Variants in AHI1 observed in about 807,000 individuals in gnomAD.
AHI1 encodes the protein Abelson helper integration site 1, also known as jouberin.
A neutral mutation model predicts 149.3 loss-of-function variants in AHI1; 123 were observed. The observed-to-expected ratio is 0.82, with a 90% CI of 0.71 to 0.96. The LOEUF (loss-of-function observed/expected upper bound fraction) is 0.96. AHI1 is among the 40% of genes least tolerant of loss of function. The probability of loss-of-function intolerance (pLI) is 0.00; values close to 1 mark genes in which losing one functional copy is unlikely to be tolerated. For synonymous variants in AHI1, 475 were observed against 459.8 expected, an observed-to-expected ratio of 1.03 and a Z score of -0.42; for missense variants, 1,439 against 1,422.7, an observed-to-expected ratio of 1.01 and a Z score of -0.18.
intron 23 of AHI1, among the ~76,000 whole-genome samples, chr6:135,375,998 G>T (rs541689298): frequency 2.7e-5 from 4 of 149,776 alleles, no homozygotes; most frequent in Middle Eastern, 7.0e-3. Context: ...CCAAATTGGG[G>T]ACAATTTGAG....
chr6:135,374,666 G>A (rs1468584060), intron 23 of AHI1, among the ~76,000 whole-genome samples: 1 of 151,930 alleles, frequency 6.6e-6, no homozygotes, highest in Non-Finnish European at 1.5e-5. Flanking sequence ...CAATGAAAGA[G>A]AATATTTCAC....
At chr6:135,346,862 C>T (rs1177359281) in intron 24 of AHI1, among the ~76,000 whole-genome samples, 4 of 152,162 alleles carry the variant, frequency 2.6e-5, no homozygotes, top group Non-Finnish European at 5.9e-5. Flanking sequence ...TCTGCCAGTG[C>T]ACTTCAAAAA....
chr6:135,322,334 G>A lies in AHI1; in HGVS notation c.3328+828C>T, dbSNP rs147964521. ...TGCATTCTTCTCAAGAAGCACTACT[G>A]TACTTCTCCCCTTTAATGACAGTTT... On this transcript the variant is annotated intron_variant, in intron 25 of 28. Coordinates refer to ENST00000265602, the MANE Select transcript of AHI1 (RefSeq NM_001134831.2). Among the ~76,000 whole-genome samples, 69 of 152,278 alleles carry A rather than the reference G, an allele frequency of 4.5e-4. 1 individual carries two copies. Among genetic ancestry groups the A allele is most frequent in the African/African-American group, 1.5e-3 (63 of 41,552 alleles).
chr6:135,328,461 C>A (rs1030219295), intron 24 of AHI1, among the ~76,000 whole-genome samples: 1 of 151,952 alleles, frequency 6.6e-6, no homozygotes, highest in Non-Finnish European at 1.5e-5. Flanking sequence ...ATCTTTGATG[C>A]TACCAATGTA....
intron 26 of AHI1, 157 bp from the exon 27 acceptor site, chr6:135,300,715 T>C: frequency 7.5e-7 from 1 of 1,329,384 alleles, no homozygotes; most frequent in Non-Finnish European, 9.6e-7. Context: ...ATATATTGTC[T>C]ATCAGGACAA....
At chr6:135,440,603 T>C (rs1354215787) in intron 14 of AHI1, among the ~76,000 whole-genome samples, 1 of 152,048 alleles carries the variant, frequency 6.6e-6, no homozygotes, top group Non-Finnish European at 1.5e-5. Context: ...GAGCTGTAGA[T>C]TGTGTACCGA....
At position 135,463,820 on chromosome 6, in the gene AHI1, T is replaced by C. The variant is rs571163796; in HGVS notation, c.750-514A>G. On this transcript the variant is annotated intron_variant, in intron 7 of 28. Coordinates refer to ENST00000265602, the MANE Select transcript of AHI1 (RefSeq NM_001134831.2). Reference sequence around the variant, plus strand: ...AAGTTGGAGTGCAGTGGTACAATCATAGCTCACTGCTGCCTCAACCTCCCA... The same window carrying C: ...AAGTTGGAGTGCAGTGGTACAATCACAGCTCACTGCTGCCTCAACCTCCCA... 1.7e-3 allele frequency among the ~76,000 whole-genome samples: 261 copies of C among 152,228 alleles called. 3 individuals are homozygous for C. The highest frequency in any genetic ancestry group is 5.8e-3 in the African/African-American group (242 of 41,548).
At chr6:135,426,073 AAG>A (rs1783872542) in intron 20 of AHI1, among the ~76,000 whole-genome samples, 1 of 151,760 alleles carries the variant, frequency 6.6e-6, no homozygotes, top group Non-Finnish European at 1.5e-5. Context: ...AGTGGGTACA[AAG>A]AGAGAACTGT....
chr6:135,362,143 T>C lies in AHI1; in HGVS notation c.3110-3956A>G, dbSNP rs573667481. On this transcript the variant is annotated intron_variant, in intron 23 of 28. Coordinates refer to ENST00000265602, the MANE Select transcript of AHI1 (RefSeq NM_001134831.2). Reference sequence around the variant, plus strand: ...GTGTGAGTGTGTGTATATATATATATGTATAAAGAAAATGTGGTGTATATA... The same window carrying C: ...GTGTGAGTGTGTGTATATATATATACGTATAAAGAAAATGTGGTGTATATA... Among the ~76,000 whole-genome samples, 90 of 151,592 alleles carry C rather than the reference T, an allele frequency of 5.9e-4. 1 individual carries two copies. The highest frequency in any genetic ancestry group is 2.1e-3 in the African/African-American group (84 of 40,926).
chr6:135,428,774 G>A lies in AHI1; in HGVS notation c.2493-15C>T. On this transcript the variant is annotated splice_polypyrimidine_tract_variant and intron_variant, in intron 18 of 28. Transcript: ENST00000265602. Reference sequence around the variant, plus strand: ...TTGCTACTAATCTACAAGCAAAAAAGATTTTACAAATGTAACTGTCTTAAT... The same window carrying A: ...TTGCTACTAATCTACAAGCAAAAAAAATTTTACAAATGTAACTGTCTTAAT... 6.3e-7 allele frequency: 1 copy of A among 1,587,528 alleles called. No homozygotes were observed.
intron 23 of AHI1, among the ~76,000 whole-genome samples, chr6:135,391,479 G>A (rs1173134079): frequency 1.3e-5 from 2 of 152,168 alleles, no homozygotes; most frequent in South Asian, 4.1e-4. Context: ...AGGAGGCGGA[G>A]TTCATACAGT....
At chr6:135,361,644 T>TAC (rs1793877165) in intron 23 of AHI1, among the ~76,000 whole-genome samples, 1 of 91,840 alleles carries the variant, frequency 1.1e-5, no homozygotes, top group Admixed American at 1.3e-4. Context: ...TAGGTATGGT[T>TAC]TCACACACAC....
intron 26 of AHI1, chr6:135,301,150 T>C: frequency 1.0e-6 from 1 of 984,706 alleles, no homozygotes; most frequent in Non-Finnish European, 1.2e-6. Context: ...CATATTAAAG[T>C]ATACTGTGGG....
rs376077205 is a variant in AHI1, at chr6:135,382,751, C to T, written c.3109+12025G>A. Among the ~76,000 whole-genome samples the T allele has an allele frequency of 7.9e-5, 12 of 151,242 alleles. 1 individual carries two copies. The highest frequency in any genetic ancestry group is 1.9e-4 in the East Asian group (1 of 5,166). On this transcript the variant is annotated intron_variant, in intron 23 of 28. Coordinates refer to ENST00000265602, the MANE Select transcript of AHI1 (RefSeq NM_001134831.2). ...ACAGATTTAATTTTTTAAAAAGTTA[C>T]TCTGAGACATAAGGATTTACAAAGG... is the stretch of plus-strand genomic sequence containing the variant.
intron 9 of AHI1, 31 bp downstream of exon 9, chr6:135,457,463 A>AACT (rs1407030635): frequency 1.3e-6 from 2 of 1,530,726 alleles, no homozygotes; most frequent in East Asian, 4.6e-5. Context: ...TTTCAGTTTC[A>AACT]AGAATTAGTT....
chr6:135,307,405 A>G (rs889233595), intron 26 of AHI1, among the ~76,000 whole-genome samples: 2 of 152,198 alleles, frequency 1.3e-5, no homozygotes, highest in Non-Finnish European at 2.9e-5. Context: ...AAGGAAATTA[A>G]CATTAGTCAA....
At chr6:135,374,059 C>T (rs1048293522) in intron 23 of AHI1, among the ~76,000 whole-genome samples, 7 of 133,060 alleles carry the variant, frequency 5.3e-5, no homozygotes, top group African/African-American at 8.4e-5. Flanking sequence ...AGGCAGAGAT[C>T]TTTTCTGCTA....
intron 21 of AHI1, among the ~76,000 whole-genome samples, chr6:135,407,588 C>T (rs958935900): frequency 3.3e-5 from 5 of 152,126 alleles, no homozygotes; most frequent in African/African-American, 1.2e-4. Context: ...AATACCAAAG[C>T]AGACATATTC....
intron 4 of AHI1, 145 bp downstream of exon 4, chr6:135,492,083 C>A: frequency 1.9e-6 from 1 of 520,722 alleles, no homozygotes; most frequent in Non-Finnish European, 3.2e-6. Flanking sequence ...AATACAAAAC[C>A]AATAAGTATC....
Sources: gnomAD v4.1 joint callset for allele counts (sites outside exome capture counted in the v4.1 genomes callset) on GRCh38, gnomAD v4.1.1 for gene constraint, MANE v1.5 for transcripts, NCBI Gene and HGNC (gene_info 2026-07-23, HGNC 2026-07-21) for gene names.